RTN4: variants seen among roughly 807,000 people sequenced by gnomAD.
RTN4 encodes the protein reticulon-4.
RTN4 carries 32 observed loss-of-function variants against 90.4 expected under a neutral mutation model. The observed-to-expected ratio is 0.35, with a 90% CI of 0.27 to 0.48. The LOEUF (loss-of-function observed/expected upper bound fraction) is 0.48, where lower values mean the gene tolerates loss of function less well. RTN4 is among the 20% of genes least tolerant of loss of function. RTN4 has a pLI of 0.99. For synonymous variants in RTN4, 629 were observed against 552.5 expected (o/e 1.14, Z -1.94); for missense variants, 1,706 against 1,430.2 (o/e 1.19, Z -3.11).
intron 1 of RTN4, among the ~76,000 whole-genome samples, chr2:55,109,964 G>A (rs77686738): frequency 0.01 from 1,583 of 152,192 alleles, 20 homozygotes; most frequent in African/African-American, 0.035. Flanking sequence ...TTCAGAAGTG[G>A]TAAGAAAAAT....
rs1463692212 is a variant in RTN4, at chr2:55,025,943, G to A, written c.2156C>T (p.Ser719Leu). ...TGGCTGTTCAACTTTTGCCATTTCTGAATAATCAGAGAAATCCGGAGCTGG... is the reference window on the plus strand; with the variant it reads ...TGGCTGTTCAACTTTTGCCATTTCTAAATAATCAGAGAAATCCGGAGCTGG... ...AEPAPDFSDY[S>L]EMAKVEQPVP... Residue 719 changes from serine (S) to leucine (L), a missense_variant, in exon 3 of 9, where the codon TCA (serine) becomes TTA (leucine). Physicochemically the swap from Ser to Leu is moderately radical, Grantham distance 145. Transcript: ENST00000337526. The A allele has an allele frequency of 1.2e-6, 2 of 1,612,726 alleles. No homozygotes were observed. Among genetic ancestry groups the A allele is most frequent in the Non-Finnish European group, 1.7e-6 (2 of 1,179,732 alleles).
chr2:55,067,690 C>T (rs1225710282), intron 2 of RTN4, among the ~76,000 whole-genome samples: 1 of 152,182 alleles, frequency 6.6e-6, no homozygotes, highest in African/African-American at 2.4e-5. Context: ...GCTGGGATTA[C>T]AGGCGTGAGC....
At chr2:55,090,581 G>C (rs746681557) in intron 1 of RTN4, among the ~76,000 whole-genome samples, 8 of 152,174 alleles carry the variant, frequency 5.3e-5, no homozygotes, top group Non-Finnish European at 8.8e-5. Flanking sequence ...CCACCTGGAA[G>C]TTTCGCCAAA....
intron 1 of RTN4, chr2:55,049,048 C>T: frequency 1.0e-6 from 1 of 961,654 alleles, no homozygotes; most frequent in Non-Finnish European, 1.2e-6. Context: ...CACATCACAC[C>T]CCGGGGAGCT....
rs117363241 is a variant in RTN4 at position 55,082,516 on chromosome 2, C to T, written c.-213-1877G>A. The stretch of plus-strand genomic sequence containing the variant: ...CACCCACCCCTGGCCAGGTAGAGAC[C>T]AATCTATAACACATTTCCAAAGCCT... On this transcript the variant is annotated intron_variant, in intron 1 of 3. Transcript: ENST00000427710. 6.6e-5 allele frequency among the ~76,000 whole-genome samples: 10 copies of T among 152,294 alleles called. No individual in the cohort carries two copies. In the East Asian group the frequency reaches 1.9e-3, roughly 29 times the overall value.
At chr2:54,989,403 T>C (rs560892376) in intron 3 of RTN4, among the ~76,000 whole-genome samples, 2 of 152,330 alleles carry the variant, frequency 1.3e-5, no homozygotes, top group South Asian at 4.1e-4. Context: ...CTAAAACATC[T>C]AAAGGCGCTT....
the RTN4 span, among the ~76,000 whole-genome samples, chr2:55,131,087 G>GT: frequency 6.6e-6 from 1 of 151,412 alleles, no homozygotes; most frequent in Non-Finnish European, 1.5e-5. Context: ...GTTTTGGGGG[G>GT]TTTTTTTTGA....
At chr2:55,091,871 A>T (rs1668943538) in intron 1 of RTN4, among the ~76,000 whole-genome samples, 1 of 136,940 alleles carries the variant, frequency 7.3e-6, no homozygotes, top group African/African-American at 2.8e-5. Context: ...AAAAGCGGAA[A>T]CCCCTGATAA....
At chr2:55,124,500 C>G in the RTN4 span, among the ~76,000 whole-genome samples, 1 of 152,204 alleles carries the variant, frequency 6.6e-6, no homozygotes, top group Non-Finnish European at 1.5e-5. Context: ...AGGAATACAG[C>G]TAACCAGGGA....
At chr2:55,050,535 T>A, upstream of RTN4, 1 of 358,950 alleles carries the variant, frequency 2.8e-6, no homozygotes, top group Non-Finnish European at 5.0e-6. The surrounding 1 kb of genome is among the most constrained non-coding windows in gnomAD (Gnocchi z 4.6). Context: ...GAGCTAGGAG[T>A]GAGGCCAGCG....
In RTN4 at chr2:55,099,425, C is replaced by A. The variant is rs576225012; in HGVS notation, c.-214+13095G>T. Among the ~76,000 whole-genome samples, 234 of 152,172 alleles carry A rather than the reference C, an allele frequency of 1.5e-3. 1 individual carries two copies. The highest frequency in any genetic ancestry group is 2.6e-3 in the Non-Finnish European group (180 of 68,014). On this transcript the variant is annotated intron_variant, in intron 1 of 3. Coordinates refer to the RTN4 transcript ENST00000427710. ...GGTTCTGCTGTCCTTTTGAGAATGA[C>A]CCTGTAGTCCTCAATAGCTTCCTCA...
chr2:55,030,838 T>C (rs1682255446), intron 1 of RTN4, among the ~76,000 whole-genome samples: 1 of 152,206 alleles, frequency 6.6e-6, no homozygotes. Flanking sequence ...CCCCTCAAGT[T>C]AGTTCTCCTG....
intron 1 of RTN4, among the ~76,000 whole-genome samples, chr2:55,099,016 A>G (rs1416037493): frequency 1.3e-5 from 2 of 152,110 alleles, no homozygotes; most frequent in Non-Finnish European, 2.9e-5. Flanking sequence ...GGTTGTCTGT[A>G]TTCTTGTTAC....
intron 1 of RTN4, among the ~76,000 whole-genome samples, chr2:55,039,367 A>T (rs774924981): frequency 3.3e-5 from 5 of 152,268 alleles, no homozygotes; most frequent in Non-Finnish European, 7.3e-5. Context: ...GGGAGAACTC[A>T]TCGATAGATT....
chr2:55,126,958 A>G, the RTN4 span, among the ~76,000 whole-genome samples: 2 of 152,230 alleles, frequency 1.3e-5, no homozygotes, highest in Admixed American at 6.5e-5. Flanking sequence ...TGGCAGCTAA[A>G]TAATAATAAC....
intron 5 of RTN4, among the ~76,000 whole-genome samples, chr2:54,981,972 G>C (rs1181584395): frequency 6.7e-6 from 1 of 149,712 alleles, no homozygotes; most frequent in Non-Finnish European, 1.5e-5. Context: ...ATTTTTTTTT[G>C]AGACAGAGTT....
At chr2:55,011,423 T>C (rs1016894044) in intron 3 of RTN4, among the ~76,000 whole-genome samples, 1 of 152,202 alleles carries the variant, frequency 6.6e-6, no homozygotes, top group African/African-American at 2.4e-5. Context: ...CAATGCAGTG[T>C]CTCTACTTAT....
At position 54,996,263 on chromosome 2, in the gene RTN4, A is replaced by G. The variant is rs1321986754; in HGVS notation, c.3014-8565T>C. Among the ~76,000 whole-genome samples, 6 of 152,296 alleles carry G rather than the reference A, an allele frequency of 3.9e-5. No individual in the cohort carries two copies. In the East Asian group the frequency reaches 1.2e-3, roughly 29 times the overall value. ...AATTGAAAGACATTAAGACAGTAAC[A>G]CTCCTCAAATTGATCTAAAATACAA... On this transcript the variant is annotated intron_variant, in intron 3 of 8. Coordinates refer to ENST00000337526, the MANE Select transcript of RTN4 (RefSeq NM_020532.5).
At chr2:55,041,770 TGGG>T (rs902030235) in intron 1 of RTN4, among the ~76,000 whole-genome samples, 1 of 151,990 alleles carries the variant, frequency 6.6e-6, no homozygotes, top group African/African-American at 2.4e-5. Flanking sequence ...GGAGTAAACA[TGGG>T]GGAAAATTTT....
Sources: gnomAD v4.1 joint callset for allele counts (sites outside exome capture counted in the v4.1 genomes callset) on GRCh38, gnomAD v4.1.1 for gene constraint, Gnocchi (gnomAD v3.1) non-coding constraint, MANE v1.5 for transcripts, NCBI Gene and HGNC (gene_info 2026-07-23, HGNC 2026-07-21) for gene names.